P2RY10: variants seen among roughly 807,000 people sequenced by gnomAD.
The protein encoded by P2RY10 is putative P2Y purinoceptor 10.
P2RY10 carries 4 observed loss-of-function variants against 12.1 expected under a neutral mutation model. That is an observed-to-expected ratio of 0.33 (90% CI 0.16 to 0.76). The LOEUF is 0.76. P2RY10 is among the 30% of genes least tolerant of loss of function. The probability of loss-of-function intolerance (pLI) is 0.61; values close to 1 mark genes in which losing one functional copy is unlikely to be tolerated. For synonymous variants in P2RY10, 112 were observed against 94.1 expected, an observed-to-expected ratio of 1.19 and a Z score of -1.10; for missense variants, 233 against 264.6, an observed-to-expected ratio of 0.88 and a Z score of 0.83.
At chrX:78,955,012 G>A (rs753872751) in intron 3 of P2RY10, among the ~76,000 whole-genome samples, 1 of 111,740 alleles carries the variant, frequency 8.9e-6, no homozygotes, top group South Asian at 3.8e-4. Context: ...GGGACGGGGT[G>A]GAGAGAAAAA....
At chrX:78,956,340 T>C (rs1922331716) in intron 3 of P2RY10, among the ~76,000 whole-genome samples, 1 of 111,810 alleles carries the variant, frequency 8.9e-6, no homozygotes, top group Non-Finnish European at 1.9e-5. Context: ...GACAACATTT[T>C]AGGGAAATAG....
At chrX:78,954,111 G>A (rs534923540) in intron 3 of P2RY10, among the ~76,000 whole-genome samples, 1 of 111,367 alleles carries the variant, frequency 9.0e-6, no homozygotes, top group East Asian at 2.8e-4. Context: ...GAGCTCAAGC[G>A]ATCCACCCAC....
rs1357429431 is a variant in P2RY10, at chrX:78,962,630, T to A, written c.*1090T>A. 2.7e-5 allele frequency among the ~76,000 whole-genome samples: 3 copies of A among 111,872 alleles called. No individual in the cohort carries two copies. Among genetic ancestry groups the A allele is most frequent in the African/African-American group, 6.5e-5 (2 of 30,736 alleles). On this transcript the variant is annotated 3_prime_UTR_variant, in exon 4 of 4. Transcript: ENST00000171757. ...ATGTCAAGCTTCAGACCACAAGGTC[T>A]TAAGTGGTAAATAGATGCGTTGTCC...
chrX:78,951,350 C>G (rs1922092872), intron 2 of P2RY10, among the ~76,000 whole-genome samples: 1 of 111,959 alleles, frequency 8.9e-6, no homozygotes, highest in Admixed American at 9.5e-5. Flanking sequence ...ATTTCTTAGA[C>G]TAAAACCTTA....
rs1922634360 is a variant in P2RY10, at chrX:78,961,688, G to A, written c.*148G>A. On this transcript the variant is annotated 3_prime_UTR_variant, in exon 4 of 4. Coordinates refer to ENST00000171757, the MANE Select transcript of P2RY10 (RefSeq NM_014499.4). Reference sequence around the variant, plus strand: ...TGTAATATTCACAGTCAACAGGGGTGTGATGGTGAAGGCAGAGTGTGAAAA... The same window carrying A: ...TGTAATATTCACAGTCAACAGGGGTATGATGGTGAAGGCAGAGTGTGAAAA... The A allele has an allele frequency of 4.7e-6, 2 of 425,014 alleles. No individual in the cohort carries two copies. Among genetic ancestry groups the A allele is most frequent in the Admixed American group, 9.4e-5 (2 of 21,328 alleles). 35.0% of individuals were successfully genotyped at this position (425,014 alleles called of 1,213,427 possible). A position where few individuals can be genotyped will look rare whatever the true frequency, so the allele number is the denominator to read the frequency against.
At chrX:78,951,692 G>T (rs2742215) in intron 2 of P2RY10, among the ~76,000 whole-genome samples, 1 of 111,552 alleles carries the variant, frequency 9.0e-6, no homozygotes, top group Non-Finnish European at 1.9e-5. Flanking sequence ...AACTTTGTGC[G>T]TGCCATTTTT....
chrX:78,960,315 T>C (rs1441600723), intron 3 of P2RY10, among the ~76,000 whole-genome samples, 193 bp from the exon 4 acceptor site: 2 of 112,083 alleles, frequency 1.8e-5, no homozygotes, highest in Non-Finnish European at 1.9e-5. Flanking sequence ...GACAATTTTA[T>C]GGTTCCTTAA....
intron 3 of P2RY10, among the ~76,000 whole-genome samples, chrX:78,953,312 C>T (rs773789177): frequency 8.9e-6 from 1 of 111,767 alleles, no homozygotes; most frequent in Non-Finnish European, 1.9e-5. Flanking sequence ...TTGAAGGTTT[C>T]TGGAAATGTA....
At chrX:78,948,113 AC>A (rs1799997715) in intron 2 of P2RY10, among the ~76,000 whole-genome samples, 1 of 112,503 alleles carries the variant, frequency 8.9e-6, no homozygotes, top group African/African-American at 3.2e-5. Flanking sequence ...TAAGTGCCCA[AC>A]AGTTAAGAGG....
intron 3 of P2RY10, among the ~76,000 whole-genome samples, chrX:78,959,121 T>C (rs1291208971): frequency 8.9e-6 from 1 of 111,824 alleles, no homozygotes; most frequent in Non-Finnish European, 1.9e-5. Flanking sequence ...TTTTTTCCAC[T>C]TCTAGCTCGA....
chrX:78,946,075 T>C (rs1921820923), intron 1 of P2RY10, among the ~76,000 whole-genome samples: 1 of 111,610 alleles, frequency 9.0e-6, no homozygotes, highest in African/African-American at 3.3e-5. Flanking sequence ...TGAAGACACT[T>C]AGGTTCACTC....
intron 3 of P2RY10, among the ~76,000 whole-genome samples, chrX:78,955,873 G>C (rs757985934): frequency 8.9e-6 from 1 of 111,850 alleles, no homozygotes; most frequent in Admixed American, 9.5e-5. Flanking sequence ...CTCATAGGAT[G>C]GGGCTTATTG....
At chrX:78,958,672 T>C (rs1031317855) in intron 3 of P2RY10, among the ~76,000 whole-genome samples, 1 of 112,202 alleles carries the variant, frequency 8.9e-6, no homozygotes, top group Non-Finnish European at 1.9e-5. Flanking sequence ...GATTTTGGGA[T>C]ACATCCTTGA....
intron 3 of P2RY10, among the ~76,000 whole-genome samples, chrX:78,954,991 G>A (rs1207671170): frequency 8.9e-6 from 1 of 111,754 alleles, no homozygotes; most frequent in Non-Finnish European, 1.9e-5. Context: ...CTCCATCAGC[G>A]GCAGAAAACG....
At chrX:78,949,404 G>T (rs1255865404) in intron 2 of P2RY10, among the ~76,000 whole-genome samples, 1 of 111,739 alleles carries the variant, frequency 8.9e-6, no homozygotes, top group Middle Eastern at 4.2e-3. Flanking sequence ...AAATTATGTG[G>T]CAGGAACCAT....
intron 3 of P2RY10, among the ~76,000 whole-genome samples, chrX:78,959,967 G>C (rs1236229743): frequency 9.0e-6 from 1 of 111,584 alleles, no homozygotes; most frequent in Non-Finnish European, 1.9e-5. Flanking sequence ...AGGTCTTGAA[G>C]ATCAGCCGGG....
intron 2 of P2RY10, 137 bp downstream of exon 2, chrX:78,948,000 C>T (rs765964971): frequency 2.4e-4 from 33 of 138,556 alleles, no homozygotes; most frequent in East Asian, 1.9e-3. Context: ...CTTTGAGAAA[C>T]GTAAACATTT....
At chrX:78,959,442 A>G (rs1027879240) in intron 3 of P2RY10, among the ~76,000 whole-genome samples, 1 of 111,592 alleles carries the variant, frequency 9.0e-6, no homozygotes, top group Non-Finnish European at 1.9e-5. Flanking sequence ...TCTGCAGGCA[A>G]TCAGCATAAT....
At chrX:78,954,087 G>A (rs1186383707) in intron 3 of P2RY10, among the ~76,000 whole-genome samples, 1 of 110,704 alleles carries the variant, frequency 9.0e-6, no homozygotes, top group East Asian at 2.8e-4. Context: ...TACCGAGGCT[G>A]GTCTTAAACT....
Sources: allele counts gnomAD v4.1 joint callset (sites outside exome capture counted in the v4.1 genomes callset), GRCh38; gene constraint gnomAD v4.1.1; transcripts MANE v1.5; gene names NCBI Gene and HGNC (gene_info 2026-07-23, HGNC 2026-07-21).